Variants in MPRIP observed in about 807,000 individuals in gnomAD.
MPRIP encodes the protein myosin phosphatase Rho-interacting protein.
MPRIP carries 59 observed loss-of-function variants against 234.9 expected under a neutral mutation model. The observed-to-expected ratio is 0.25, with a 90% CI of 0.20 to 0.31. The LOEUF (loss-of-function observed/expected upper bound fraction) is 0.31, where lower values mean the gene tolerates loss of function less well. Ranked by LOEUF, MPRIP falls within the 10% of genes least tolerant of loss-of-function variation. MPRIP has a pLI of 1.00. For synonymous variants in MPRIP, 1,144 were observed against 1,263.9 expected, an observed-to-expected ratio of 0.91 and a Z score of 2.01; for missense variants, 2,436 against 3,071.0, an observed-to-expected ratio of 0.79 and a Z score of 4.89.
intron 7 of MPRIP, among the ~76,000 whole-genome samples, chr17:17,139,782 A>T (rs112450164): frequency 0.042 from 6,353 of 152,292 alleles, 224 homozygotes; most frequent in East Asian, 0.12. Context: ...ACTGCTGGTG[A>T]GAGGAAAATG....
intron 3 of MPRIP, among the ~76,000 whole-genome samples, chr17:17,113,880 CTTTTCT>C (rs1372792489): frequency 7.5e-5 from 7 of 93,210 alleles, no homozygotes; most frequent in East Asian, 6.4e-4. Context: ...CTTTTCTTTT[CTTTTCT>C]TTTTTTTTTT....
rs1265551932 is a variant in MPRIP, at chr17:17,166,508, G to A, written c.4917G>A (p.Leu1639=). The stretch of plus-strand genomic sequence containing the variant: ...CTCTGAGGAAGCACTTGGGGACACT[G>A]GGAGGAGAGGCAGTCGGTGCCTCAG... The part of the protein sequence containing the change: ...VESLRKHLGT[L]GGEAVGASGD... Residue 1639 remains leucine (L), a synonymous_variant, in exon 16 of 24, where the codon CTG becomes CTA. Coordinates refer to ENST00000651222, the MANE Select transcript of MPRIP (RefSeq NM_001364716.4). This position sits in a 1 kb window ranked among gnomAD's most constrained non-coding sequence, Gnocchi z 4.4. The A allele has an allele frequency of 7.7e-7, 1 of 1,304,200 alleles. No homozygotes were observed. The highest frequency in any genetic ancestry group is 2.3e-5 in the Admixed American group (1 of 43,560). The allele number at this position is 1,304,200 out of a possible 1,614,324, so 80.8% of individuals were successfully genotyped here.
intron 4 of MPRIP, among the ~76,000 whole-genome samples, chr17:17,129,083 G>A (rs2090547562): frequency 6.6e-6 from 1 of 152,178 alleles, no homozygotes; most frequent in African/African-American, 2.4e-5. Flanking sequence ...CCTGACAGCT[G>A]CGTGGGCTGC....
At chr17:17,179,908 A>G in intron 22 of MPRIP, 95 bp from the exon 23 acceptor site, 2 of 996,974 alleles carry the variant, frequency 2.0e-6, no homozygotes, top group Non-Finnish European at 3.1e-6. Context: ...ATGCTGCAGT[A>G]GGAAGCTTGG....
chr17:17,047,648 G>A (rs1163152850), intron 1 of MPRIP, among the ~76,000 whole-genome samples: 1 of 152,180 alleles, frequency 6.6e-6, no homozygotes, highest in Non-Finnish European at 1.5e-5. Context: ...GGGACAGGAT[G>A]TTGTTGGTTG....
In MPRIP at chr17:17,146,021, T is replaced by C; in HGVS notation, c.1504-15T>C. ...AGAGTTTCCTCTGAGCTGTTCTTTT[T>C]TCTCCCTTTCTCAGCCCGACCTGCT... is the stretch of plus-strand genomic sequence containing the variant. On this transcript the variant is annotated splice_polypyrimidine_tract_variant and intron_variant, in intron 9 of 23. Coordinates refer to ENST00000651222, the MANE Select transcript of MPRIP (RefSeq NM_001364716.4). 3 of 1,613,526 alleles carry C rather than the reference T, an allele frequency of 1.9e-6. No homozygotes were observed. Among genetic ancestry groups the C allele is most frequent in the South Asian group, 1.1e-5 (1 of 90,892 alleles).
Position 17,172,817 on chromosome 17 carries a change from T to C in MPRIP, c.6590+2T>C, listed in dbSNP as rs780322388. ...TGAGGCCCTGCGGCGCCAGTACCTGTAAGTGGCTGGGCCTGCCCATCTGCC... is the reference window on the plus strand; with the variant it reads ...TGAGGCCCTGCGGCGCCAGTACCTGCAAGTGGCTGGGCCTGCCCATCTGCC... On this transcript the variant is annotated splice_donor_variant, in intron 18 of 23. Transcript: ENST00000651222. LOFTEE classifies it high-confidence loss of function. 1 of 1,610,528 alleles carries C rather than the reference T, an allele frequency of 6.2e-7. No individual in the cohort carries two copies. Among genetic ancestry groups the C allele is most frequent in the South Asian group, 1.1e-5 (1 of 91,010 alleles).
intron 1 of MPRIP, among the ~76,000 whole-genome samples, chr17:17,065,523 C>T (rs1346282401): frequency 6.6e-6 from 1 of 151,896 alleles, no homozygotes; most frequent in African/African-American, 2.4e-5. Context: ...AACTACTGTT[C>T]CATTGATCCA....
At chr17:17,156,203 C>T (rs1218260842) in intron 13 of MPRIP, among the ~76,000 whole-genome samples, 1 of 152,232 alleles carries the variant, frequency 6.6e-6, no homozygotes, top group Non-Finnish European at 1.5e-5. Context: ...TGTGCACATG[C>T]CTGTGCCTGC....
intron 23 of MPRIP, among the ~76,000 whole-genome samples, chr17:17,180,359 C>T (rs1339663517): frequency 1.4e-4 from 21 of 152,248 alleles, no homozygotes; most frequent in Admixed American, 1.4e-3. Context: ...GGCCAGGTTT[C>T]ACCCAGCCCT....
At chr17:17,046,043 G>C (rs530967856) in intron 1 of MPRIP, among the ~76,000 whole-genome samples, 1 of 152,302 alleles carries the variant, frequency 6.6e-6, no homozygotes, top group South Asian at 2.1e-4. Context: ...CTGACCTCGT[G>C]ATCCGCCTGC....
intron 1 of MPRIP, among the ~76,000 whole-genome samples, chr17:17,068,139 G>C (rs914873930): frequency 6.6e-6 from 1 of 151,622 alleles, no homozygotes; most frequent in East Asian, 1.9e-4. Flanking sequence ...CTTGTCAGCA[G>C]TGTTTTTTTG....
At position 17,138,391 on chromosome 17, in the gene MPRIP, C is replaced by T; in HGVS notation, c.1212C>T (p.Gly404=). 3.3e-6 allele frequency: 1 copy of T among 301,054 alleles called. No individual in the cohort carries two copies. Among genetic ancestry groups the T allele is most frequent in the Non-Finnish European group, 6.1e-6 (1 of 163,386 alleles). The allele number at this position is 301,054 out of a possible 1,614,324, so 18.6% of individuals were successfully genotyped here. ...LERRTRARSP[G]REEVARLFGN... is the part of the protein sequence containing the mutation. ...GTAGAACTCGGGCCCGGAGCCCTGG[C>T]AGGGAGGAGGTGGCCCGTCTGTTTG... The change falls in exon 7 of 24, where the codon GGC becomes GGT. Residue 404 remains glycine, a synonymous_variant. Transcript: ENST00000651222. This position sits in a 1 kb window ranked among gnomAD's most constrained non-coding sequence, Gnocchi z 5.8.
In MPRIP at chr17:17,189,865, C is replaced by G. The variant is rs1046618260; in HGVS notation, c.*4971C>G. ...GGATCAGCCCTGTGTTTTCTCCTTT[C>G]AGCTGAAGTGAGCGAAGGTTCTCAG... On this transcript the variant is annotated 3_prime_UTR_variant, in exon 24 of 24. Coordinates refer to ENST00000651222, the MANE Select transcript of MPRIP (RefSeq NM_001364716.4). 1 of 152,276 alleles carries G rather than the reference C, an allele frequency of 6.6e-6. No individual in the cohort carries two copies. The highest frequency in any genetic ancestry group is 1.5e-5 in the Non-Finnish European group (1 of 68,064). The allele number at this position is 152,276 out of a possible 1,614,324, so 9.4% of individuals were successfully genotyped here. A position where few individuals can be genotyped will look rare whatever the true frequency, so the allele number is the denominator to read the frequency against.
rs532186196 is a variant in MPRIP, at chr17:17,042,804, C to G, written c.-45C>G. 3 of 1,205,234 alleles carry G rather than the reference C, an allele frequency of 2.5e-6. No individual in the cohort carries two copies. Among genetic ancestry groups the G allele is most frequent in the Non-Finnish European group, 3.1e-6 (3 of 953,386 alleles). 74.7% of individuals were successfully genotyped at this position (1,205,234 alleles called of 1,614,324 possible). A position where few individuals can be genotyped will look rare whatever the true frequency, so the allele number is the denominator to read the frequency against. The stretch of plus-strand genomic sequence containing the variant: ...AGCCCGCCGGGAGCGCCAGGCCGGC[C>G]AGGCCTGCGCCGCCGCCGCCGCCGC... On this transcript the variant is annotated 5_prime_UTR_variant, in exon 1 of 24. Coordinates refer to ENST00000651222, the MANE Select transcript of MPRIP (RefSeq NM_001364716.4).
At chr17:17,184,008 ACAGCACTTTC>A (rs2046425232) in intron 23 of MPRIP, among the ~76,000 whole-genome samples, 1 of 152,270 alleles carries the variant, frequency 6.6e-6, no homozygotes, top group South Asian at 2.1e-4. Context: ...GTGAAGAGCC[ACAGCACTTTC>A]CAGTCAGTAC....
intron 23 of MPRIP, 120 bp from the exon 24 acceptor site, chr17:17,184,703 C>T (rs1353420251): frequency 2.9e-6 from 2 of 688,938 alleles, no homozygotes; most frequent in Non-Finnish European, 5.3e-6. Flanking sequence ...ACTAACCGCA[C>T]CTGCACCCGG....
At chr17:17,102,133 C>T (rs1395858502) in intron 3 of MPRIP, among the ~76,000 whole-genome samples, 1 of 152,114 alleles carries the variant, frequency 6.6e-6, no homozygotes, top group Non-Finnish European at 1.5e-5. Flanking sequence ...AGCAATCCTC[C>T]TGCCTCGGCC....
At chr17:17,045,792 G>A (rs1312114448) in intron 1 of MPRIP, among the ~76,000 whole-genome samples, 3 of 151,198 alleles carry the variant, frequency 2.0e-5, no homozygotes, top group South Asian at 2.1e-4. Flanking sequence ...AGCGACATAC[G>A]GACCCAAATA....
Sources: allele counts gnomAD v4.1 joint callset (sites outside exome capture counted in the v4.1 genomes callset), GRCh38; gene constraint gnomAD v4.1.1; non-coding constraint Gnocchi (gnomAD v3.1); transcripts MANE v1.5; gene names NCBI Gene and HGNC (gene_info 2026-07-23, HGNC 2026-07-21).